Variants in TCF12 observed in about 807,000 individuals in gnomAD.
TCF12 encodes the protein transcription factor 12.
Under a neutral mutation model 86.0 loss-of-function variants are expected in TCF12, and 45 were observed. The ratio of observed to expected loss-of-function variants is 0.52; its 90% CI spans 0.41 to 0.67. The LOEUF (loss-of-function observed/expected upper bound fraction) is 0.67, where lower values mean the gene tolerates loss of function less well. Ranked by LOEUF, TCF12 falls within the 30% of genes least tolerant of loss-of-function variation. The pLI is 0.00. For missense variants in TCF12, 881 were observed against 859.9 expected (o/e 1.02, Z -0.31); for synonymous variants, 330 against 299.6 (o/e 1.10, Z -1.05).
chr15:57,213,670 G>A (rs1394029560), intron 8 of TCF12, among the ~76,000 whole-genome samples: 1 of 151,928 alleles, frequency 6.6e-6, no homozygotes, highest in Non-Finnish European at 1.5e-5. Context: ...ATGTCTTCCA[G>A]TTCAGAAGAA....
chr15:57,089,917 A>G (rs1365713849), intron 4 of TCF12, among the ~76,000 whole-genome samples: 2 of 152,138 alleles, frequency 1.3e-5, no homozygotes, highest in African/African-American at 4.8e-5. Context: ...TTTAAGTAGT[A>G]AAAGCAAATT....
At chr15:57,186,741 T>G (rs904497318) in intron 6 of TCF12, among the ~76,000 whole-genome samples, 13 of 152,168 alleles carry the variant, frequency 8.5e-5, no homozygotes, top group Non-Finnish European at 1.9e-4. Context: ...AGCAACGTAT[T>G]GAAAAGATTA....
chr15:57,082,442 G>A (rs768381952), intron 4 of TCF12, among the ~76,000 whole-genome samples: 2 of 152,146 alleles, frequency 1.3e-5, no homozygotes, highest in African/African-American at 2.4e-5. Context: ...AACCGAAGAG[G>A]CTAGCAAAGA....
At chr15:57,168,133 C>T (rs1232780843) in intron 6 of TCF12, among the ~76,000 whole-genome samples, 1 of 152,004 alleles carries the variant, frequency 6.6e-6, no homozygotes, top group African/African-American at 2.4e-5. Context: ...GCAATGTAGC[C>T]AGATTGCATC....
At chr15:57,129,028 G>T (rs901272280) in intron 5 of TCF12, among the ~76,000 whole-genome samples, 3 of 152,140 alleles carry the variant, frequency 2.0e-5, no homozygotes, top group African/African-American at 7.2e-5. Context: ...CGTATTTTCA[G>T]TTCTCTTGGG....
At chr15:57,117,741 T>C (rs575958732) in intron 5 of TCF12, among the ~76,000 whole-genome samples, 2 of 152,330 alleles carry the variant, frequency 1.3e-5, no homozygotes, top group South Asian at 4.1e-4. Flanking sequence ...CCCCCAACTT[T>C]GGATGAAGGC....
intron 3 of TCF12, among the ~76,000 whole-genome samples, chr15:57,062,812 TGAAA>T (rs879596159): frequency 4.6e-5 from 7 of 152,286 alleles, no homozygotes; most frequent in African/African-American, 1.4e-4. Flanking sequence ...CATGAAAGAA[TGAAA>T]GAAAGAAGTC....
intron 6 of TCF12, among the ~76,000 whole-genome samples, chr15:57,188,855 C>G (rs1319369797): frequency 1.3e-5 from 2 of 152,230 alleles, no homozygotes; most frequent in African/African-American, 2.4e-5. Flanking sequence ...GTGGCATTAT[C>G]ATAGTTCATG....
chr15:57,091,411 T>C (rs1462029456), intron 4 of TCF12, among the ~76,000 whole-genome samples: 1 of 152,206 alleles, frequency 6.6e-6, no homozygotes, highest in Admixed American at 6.5e-5. Context: ...TTAATTTATT[T>C]TAAAAAATCC....
At chr15:57,204,313 T>C (rs551952884) in intron 8 of TCF12, among the ~76,000 whole-genome samples, 72 of 152,188 alleles carry the variant, frequency 4.7e-4, no homozygotes, top group African/African-American at 1.7e-3. Context: ...TGTCCAGGTA[T>C]GGTGGCATGT....
intron 3 of TCF12, among the ~76,000 whole-genome samples, chr15:56,953,671 G>A (rs2061376666): frequency 6.6e-6 from 1 of 151,982 alleles, no homozygotes; most frequent in Non-Finnish European, 1.5e-5. Context: ...GTTTCTCAAA[G>A]ATTGTTTATA....
chr15:56,940,253 T>A (rs2060672133), intron 3 of TCF12, among the ~76,000 whole-genome samples: 1 of 152,106 alleles, frequency 6.6e-6, no homozygotes, highest in Admixed American at 6.6e-5. Flanking sequence ...AAGATAGTCT[T>A]ATTTAATGGA....
At chr15:56,952,337 TG>T (rs2061316141) in intron 3 of TCF12, among the ~76,000 whole-genome samples, 1 of 151,774 alleles carries the variant, frequency 6.6e-6, no homozygotes, top group African/African-American at 2.4e-5. Context: ...CTTCCAGATT[TG>T]TTTTTTTTTT....
At chr15:57,014,986 A>G (rs1018516019) in intron 3 of TCF12, among the ~76,000 whole-genome samples, 5 of 151,758 alleles carry the variant, frequency 3.3e-5, no homozygotes, top group Non-Finnish European at 5.9e-5. Context: ...ATTATTATCA[A>G]CAGTTACAAG....
chr15:57,132,786 A>G (rs1215649052), intron 5 of TCF12, among the ~76,000 whole-genome samples: 1 of 152,206 alleles, frequency 6.6e-6, no homozygotes, highest in African/African-American at 2.4e-5. Context: ...ATCCCTGCCT[A>G]CATCCTCTCT....
intron 3 of TCF12, among the ~76,000 whole-genome samples, chr15:57,038,142 A>G (rs1232612454): frequency 6.6e-6 from 1 of 152,154 alleles, no homozygotes. Flanking sequence ...CAAGCTCTCA[A>G]TAATAGAAAA....
At chr15:56,992,352 T>C (rs2063499243) in intron 3 of TCF12, among the ~76,000 whole-genome samples, 1 of 152,256 alleles carries the variant, frequency 6.6e-6, no homozygotes, top group Non-Finnish European at 1.5e-5. Flanking sequence ...ACATTCTTTC[T>C]GCTTTTAATT....
At chr15:57,151,647 C>T (rs1182285044) in intron 5 of TCF12, among the ~76,000 whole-genome samples, 3 of 152,012 alleles carry the variant, frequency 2.0e-5, no homozygotes, top group African/African-American at 7.3e-5. Flanking sequence ...TGCATGTAGT[C>T]CCAGCTCCTT....
chr15:56,979,398 A>G (rs1425435800), intron 3 of TCF12, among the ~76,000 whole-genome samples: 7 of 152,174 alleles, frequency 4.6e-5, no homozygotes, highest in Non-Finnish European at 1.0e-4. Context: ...TATTTAATTT[A>G]GTCTATACCT....
Sources: allele counts gnomAD v4.1 joint callset (sites outside exome capture counted in the v4.1 genomes callset), GRCh38; gene constraint gnomAD v4.1.1; transcripts MANE v1.5; gene names NCBI Gene and HGNC (gene_info 2026-07-23, HGNC 2026-07-21).